CDH8: variants seen among roughly 807,000 people sequenced by gnomAD.
CDH8 encodes the protein cadherin-8.
A neutral mutation model predicts 68.1 loss-of-function variants in CDH8; 17 were observed. The ratio of observed to expected loss-of-function variants is 0.25; its 90% CI spans 0.17 to 0.37. CDH8 has a LOEUF of 0.37. Ranked by LOEUF, CDH8 falls within the 10% of genes least tolerant of loss-of-function variation. The pLI is 1.00. For missense variants in CDH8, 763 were observed against 999.3 expected (o/e 0.76, Z 3.19); for synonymous variants, 372 against 365.1 (o/e 1.02, Z -0.21).
At chr16:61,690,553 G>C (rs4570838) in intron 10 of CDH8, among the ~76,000 whole-genome samples, 17,480 of 152,006 alleles carry the variant, frequency 0.11, 1,008 homozygotes, top group Non-Finnish European at 0.12. Flanking sequence ...TGAAATATTT[G>C]TACACTTTTG....
At chr16:61,884,945 A>G (rs1030066646) in intron 3 of CDH8, among the ~76,000 whole-genome samples, 3 of 152,124 alleles carry the variant, frequency 2.0e-5, no homozygotes, top group Admixed American at 6.6e-5. Context: ...AATAACACAT[A>G]TATTTTTAAA....
chr16:61,652,253 C>T lies in CDH8; in HGVS notation c.*1355G>A. 1 of 984,640 alleles carries T rather than the reference C, an allele frequency of 1.0e-6. No homozygotes were observed. The highest frequency in any genetic ancestry group is 1.2e-6 in the Non-Finnish European group (1 of 829,314). 61.0% of individuals were successfully genotyped at this position (984,640 alleles called of 1,614,324 possible). A position where few individuals can be genotyped will look rare whatever the true frequency, so the allele number is the denominator to read the frequency against. On this transcript the variant is annotated 3_prime_UTR_variant, in exon 12 of 12. Coordinates refer to ENST00000577390, the MANE Select transcript of CDH8 (RefSeq NM_001796.5). The stretch of plus-strand genomic sequence containing the variant: ...GGAGTCTAAGACATTCTGTGCATCA[C>T]CATGAAGATCAGGGATAGGAGTGCT...
At chr16:61,942,458 C>G (rs1368184195) in intron 2 of CDH8, among the ~76,000 whole-genome samples, 1 of 152,158 alleles carries the variant, frequency 6.6e-6, no homozygotes, top group Non-Finnish European at 1.5e-5. Flanking sequence ...AATCCTACAT[C>G]TGCACTCCAG....
rs145039657 is a variant in CDH8 at position 61,832,814 on chromosome 16, T to C, written c.668-7635A>G. On this transcript the variant is annotated intron_variant, in intron 4 of 11. Coordinates refer to ENST00000577390, the MANE Select transcript of CDH8 (RefSeq NM_001796.5). ...ATTGCAAATGATTACATTATAATAA[T>C]TTTAATATTATTTTGAATTATATAT... 6.6e-3 allele frequency among the ~76,000 whole-genome samples: 1,004 copies of C among 151,894 alleles called. 8 individuals are homozygous for C. The highest frequency in any genetic ancestry group is 0.023 in the African/African-American group (965 of 41,490).
chr16:61,818,281 T>C (rs1160721040), intron 6 of CDH8, among the ~76,000 whole-genome samples: 2 of 152,140 alleles, frequency 1.3e-5, no homozygotes, highest in Non-Finnish European at 2.9e-5. Context: ...AAAGCATTGC[T>C]ACTCTACTGA....
chr16:61,732,357 C>T (rs1008908319), intron 8 of CDH8, among the ~76,000 whole-genome samples: 2 of 151,540 alleles, frequency 1.3e-5, no homozygotes, highest in Non-Finnish European at 3.0e-5. Flanking sequence ...TTGAGACCAG[C>T]GGGAGGTGAA....
chr16:61,899,831 G>GACACAC (rs35171683), intron 3 of CDH8, among the ~76,000 whole-genome samples: 4,908 of 147,288 alleles, frequency 0.033, 106 homozygotes, highest in African/African-American at 0.052. Flanking sequence ...ATGTTATAAA[G>GACACAC]ACACACACAC....
At chr16:61,760,874 G>A (rs571452768) in intron 8 of CDH8, among the ~76,000 whole-genome samples, 16 of 152,096 alleles carry the variant, frequency 1.1e-4, no homozygotes, top group African/African-American at 4.8e-5. Flanking sequence ...AAACAAAGAC[G>A]AGTCATCATT....
chr16:61,977,629 A>G (rs1336243232), intron 2 of CDH8, among the ~76,000 whole-genome samples: 1 of 152,156 alleles, frequency 6.6e-6, no homozygotes, highest in East Asian at 1.9e-4. Flanking sequence ...TAGAATCCCC[A>G]TGAGAGATTT....
chr16:61,949,792 G>A (rs1255371786), intron 2 of CDH8, among the ~76,000 whole-genome samples: 2 of 151,830 alleles, frequency 1.3e-5, no homozygotes, highest in Non-Finnish European at 2.9e-5. Context: ...GACCAACCTG[G>A]GCAACATGGC....
At chr16:61,784,035 G>A (rs2142993057) in intron 8 of CDH8, among the ~76,000 whole-genome samples, 1 of 152,024 alleles carries the variant, frequency 6.6e-6, no homozygotes, top group African/African-American at 2.4e-5. Context: ...CAACTAACGA[G>A]CAAAATCACC....
intron 8 of CDH8, 76 bp downstream of exon 8, chr16:61,789,270 C>A: frequency 7.5e-7 from 1 of 1,326,944 alleles, no homozygotes; most frequent in Non-Finnish European, 1.0e-6. Flanking sequence ...GAAACAGGGG[C>A]TGCTTATCAC....
Position 62,021,312 on chromosome 16 carries a change from G to A in CDH8, c.92C>T (p.Pro31Leu), listed in dbSNP as rs1178029741. ...CATTAAAACTTGAGACTGATTCATC[G>A]GAGCCATGTAAATGCAAGGGGGAAG... ...ITLPPCIYMAPMNQSQVLMSG... is the reference protein window; with the variant it reads ...ITLPPCIYMALMNQSQVLMSG... The change falls in exon 2 of 12, where the codon CCG (proline) becomes CTG (leucine). Residue 31 changes from proline to leucine, a missense_variant. Coordinates refer to ENST00000577390, the MANE Select transcript of CDH8 (RefSeq NM_001796.5). 2 of 1,613,836 alleles carry A rather than the reference G, an allele frequency of 1.2e-6. No individual in the cohort carries two copies. The highest frequency in any genetic ancestry group is 2.7e-5 in the African/African-American group (2 of 74,890).
At chr16:62,011,778 C>T (rs992012139) in intron 2 of CDH8, among the ~76,000 whole-genome samples, 2 of 152,142 alleles carry the variant, frequency 1.3e-5, no homozygotes, top group African/African-American at 4.8e-5. Flanking sequence ...GCAGACCTCA[C>T]TTTGAGTAAT....
At chr16:61,672,260 T>C (rs1963812863) in intron 10 of CDH8, among the ~76,000 whole-genome samples, 1 of 152,068 alleles carries the variant, frequency 6.6e-6, no homozygotes, top group Admixed American at 6.6e-5. Context: ...TTAGGGAATT[T>C]GTTCCCTTTC....
chr16:61,670,983 T>C (rs933859138), intron 10 of CDH8, among the ~76,000 whole-genome samples: 1 of 152,070 alleles, frequency 6.6e-6, no homozygotes. Context: ...AGCAGGCAAC[T>C]GAAACCTCAG....
chr16:61,768,110 T>A, intron 8 of CDH8, among the ~76,000 whole-genome samples: 1 of 151,930 alleles, frequency 6.6e-6, no homozygotes, highest in Non-Finnish European at 1.5e-5. Flanking sequence ...GTTATTATTG[T>A]TATTTAAGTA....
At chr16:61,997,285 T>G (rs1305633183) in intron 2 of CDH8, among the ~76,000 whole-genome samples, 1 of 152,192 alleles carries the variant, frequency 6.6e-6, no homozygotes, top group Non-Finnish European at 1.5e-5. Flanking sequence ...AAGAACGTAA[T>G]GCATATTTCT....
At chr16:61,939,506 T>C (rs555474686) in intron 2 of CDH8, among the ~76,000 whole-genome samples, 3 of 152,316 alleles carry the variant, frequency 2.0e-5, no homozygotes, top group African/African-American at 7.2e-5. Context: ...TGACTTTTAC[T>C]GCGATGTTTG....
Sources: gnomAD v4.1 joint callset for allele counts (sites outside exome capture counted in the v4.1 genomes callset) on GRCh38, gnomAD v4.1.1 for gene constraint, MANE v1.5 for transcripts, NCBI Gene and HGNC (gene_info 2026-07-23, HGNC 2026-07-21) for gene names.